HDAC11: variants seen among roughly 807,000 people sequenced by gnomAD.
The protein encoded by HDAC11 is histone deacetylase 11.
In HDAC11, 23 loss-of-function variants were observed where a neutral mutation model predicts 41.1. The ratio of observed to expected loss-of-function variants is 0.56; its 90% confidence interval spans 0.40 to 0.79. HDAC11 has a LOEUF of 0.79. Ranked by LOEUF, HDAC11 falls within the 30% of genes least tolerant of loss-of-function variation. The probability of loss-of-function intolerance (pLI) is 0.00; values close to 1 mark genes in which losing one functional copy is unlikely to be tolerated. For missense variants in HDAC11, 402 were observed against 477.3 expected, an observed-to-expected ratio of 0.84 and a Z score of 1.47; for synonymous variants, 187 against 186.6, an observed-to-expected ratio of 1.00 and a Z score of -0.02.
chr3:13,488,893 T>G (rs1207830595), intron 3 of HDAC11, among the ~76,000 whole-genome samples: 2 of 151,910 alleles, frequency 1.3e-5, no homozygotes, highest in African/African-American at 4.8e-5. Context: ...TTTCTCTACA[T>G]CCTTTTCAAT....
chr3:13,493,167 C>A (rs1242018215), intron 3 of HDAC11, among the ~76,000 whole-genome samples: 1 of 152,234 alleles, frequency 6.6e-6, no homozygotes, highest in Non-Finnish European at 1.5e-5. Context: ...GCACCCCCCA[C>A]CTGCCCCACC....
chr3:13,493,647 G>A (rs1701963045), intron 3 of HDAC11, among the ~76,000 whole-genome samples: 1 of 152,256 alleles, frequency 6.6e-6, no homozygotes, highest in Non-Finnish European at 1.5e-5. Context: ...TCACTGCCTT[G>A]TGCAGAAACC....
Position 13,502,647 on chromosome 3 carries a change from C to T in HDAC11, c.553-237C>T, listed in dbSNP as rs1339616091. The T allele has an allele frequency of 9.0e-6, 4 of 446,466 alleles. No homozygotes were observed. The highest frequency in any genetic ancestry group is 4.0e-5 in the African/African-American group (2 of 50,356). The allele number at this position is 446,466 out of a possible 1,614,324, so 27.7% of individuals were successfully genotyped here. On this transcript the variant is annotated intron_variant, in intron 7 of 9. Coordinates refer to ENST00000295757, the MANE Select transcript of HDAC11 (RefSeq NM_024827.4). This position sits in a 1 kb window ranked among gnomAD's most constrained non-coding sequence, Gnocchi z 4.1. The stretch of plus-strand genomic sequence containing the variant: ...GAGGGTGGCAGAGCGGGATTTCTTC[C>T]TCTGATAGGGAACCTAAGAGCACTG...
intron 3 of HDAC11, among the ~76,000 whole-genome samples, chr3:13,494,486 GAC>G (rs1363457474): frequency 2.0e-5 from 3 of 152,192 alleles, no homozygotes; most frequent in Non-Finnish European, 2.9e-5. Context: ...GTATACACAA[GAC>G]ACATACACAC....
In HDAC11 at chr3:13,481,205, A is replaced by T. The variant is rs764093249; in HGVS notation, c.3-41A>T. On this transcript the variant is annotated intron_variant, in intron 1 of 9. Coordinates refer to ENST00000295757, the MANE Select transcript of HDAC11 (RefSeq NM_024827.4). ...CTCGGGAGGGAGCTGCTTTCTGCCG[A>T]GGCTGCCCCAGCTGTGCGTCTGTCT... 1.1e-5 allele frequency: 17 copies of T among 1,593,370 alleles called. 1 individual carries two copies. The South Asian group carries it at 1.7e-4, about 16-fold the overall frequency.
At chr3:13,500,840 C>T in intron 6 of HDAC11, 51 bp downstream of exon 6, 1 of 1,262,868 alleles carries the variant, frequency 7.9e-7, no homozygotes, top group Non-Finnish European at 1.1e-6. Context: ...TCCTGGAATC[C>T]TCCCCATAGC....
chr3:13,491,321 T>C (rs771764183), intron 3 of HDAC11, among the ~76,000 whole-genome samples: 1 of 152,092 alleles, frequency 6.6e-6, no homozygotes, highest in Non-Finnish European at 1.5e-5. Flanking sequence ...CCATTGAGTA[T>C]AATGTCAGCT....
In HDAC11 at chr3:13,498,546, A is replaced by G; in HGVS notation, c.403A>G (p.Ile135Val). 6.2e-7 allele frequency: 1 copy of G among 1,613,926 alleles called. No individual in the cohort carries two copies. The highest frequency in any genetic ancestry group is 8.5e-7 in the Non-Finnish European group (1 of 1,180,008). ...GCTGGCTGTGGAGCGAGGCTGGGCCATCAACGTGGGTGAGTGCTGGGAATG... is the reference window on the plus strand; with the variant it reads ...GCTGGCTGTGGAGCGAGGCTGGGCCGTCAACGTGGGTGAGTGCTGGGAATG... ...GKLAVERGWAINVGGGFHHCS... is the reference protein window; with the variant it reads ...GKLAVERGWAVNVGGGFHHCS... Residue 135 changes from isoleucine to valine, a missense_variant, in exon 5 of 10, where the codon ATC becomes GTC. Ile to Val is a conservative substitution (Grantham distance 29). Coordinates refer to ENST00000295757, the MANE Select transcript of HDAC11 (RefSeq NM_024827.4).
Position 13,480,422 on chromosome 3 carries a change from G to C in HDAC11, c.2+73G>C. On this transcript the variant is annotated intron_variant, in intron 1 of 9. Coordinates refer to ENST00000295757, the MANE Select transcript of HDAC11 (RefSeq NM_024827.4). The surrounding 1 kb of genome is among the most constrained non-coding windows in gnomAD (Gnocchi z 4.6). ...TGGGCGGGCGCGCTAGGGCGAGGGC[G>C]GGGACGGCCGGGCGGGCGCGCCAGG... 1.1e-6 allele frequency: 1 copy of C among 941,418 alleles called. No homozygotes were observed. The highest frequency in any genetic ancestry group is 1.4e-6 in the Non-Finnish European group (1 of 734,082). 58.3% of individuals were successfully genotyped at this position (941,418 alleles called of 1,614,324 possible). A position where few individuals can be genotyped will look rare whatever the true frequency, so the allele number is the denominator to read the frequency against.
intron 3 of HDAC11, among the ~76,000 whole-genome samples, chr3:13,490,044 A>G (rs1487281948): frequency 6.7e-6 from 1 of 149,840 alleles, no homozygotes; most frequent in Non-Finnish European, 1.5e-5. Flanking sequence ...CCTATGCTGG[A>G]GTGCAATGGC....
chr3:13,503,390 C>A (rs1337757024), intron 8 of HDAC11, among the ~76,000 whole-genome samples: 2 of 152,190 alleles, frequency 1.3e-5, no homozygotes, highest in Admixed American at 6.5e-5. Flanking sequence ...CATGGAGAAA[C>A]CCCATCTCTA....
At position 13,490,736 on chromosome 3, in the gene HDAC11, A is replaced by G. The variant is rs1297484923; in HGVS notation, c.253-6000A>G. ...AACTTTGCTGAATTTGTTTCTTAGC[A>G]TTTTTTTCTTTTTTTTTTTTTTTTT... is the stretch of plus-strand genomic sequence containing the variant. On this transcript the variant is annotated intron_variant, in intron 3 of 9. Coordinates refer to ENST00000295757, the MANE Select transcript of HDAC11 (RefSeq NM_024827.4). Among the ~76,000 whole-genome samples, 318 of 75,622 alleles carry G rather than the reference A, an allele frequency of 4.2e-3. 1 individual carries two copies. The highest frequency in any genetic ancestry group is 6.5e-3 in the Non-Finnish European group (231 of 35,462). 49.6% of individuals were successfully genotyped at this position (75,622 alleles called of 152,430 possible). A position where few individuals can be genotyped will look rare whatever the true frequency, so the allele number is the denominator to read the frequency against.
chr3:13,482,719 C>T (rs942677612), intron 2 of HDAC11, among the ~76,000 whole-genome samples: 1 of 152,164 alleles, frequency 6.6e-6, no homozygotes, highest in Non-Finnish European at 1.5e-5. Flanking sequence ...CCCAGAAGTT[C>T]GAGGGTGCAG....
chr3:13,498,705 A>G, intron 5 of HDAC11, 150 bp downstream of exon 5: 1 of 835,426 alleles, frequency 1.2e-6, no homozygotes, highest in Non-Finnish European at 1.9e-6. Flanking sequence ...CTCCTTGTGG[A>G]GTGGCCTGGA....
In HDAC11 at chr3:13,504,971, G is replaced by A. The variant is rs1012111124; in HGVS notation, c.*288G>A. ...GGCAGGCAGTTAACTGAGAATTGGA[G>A]AGGACAGGCTAGGTCCCAGGCACAG... On this transcript the variant is annotated 3_prime_UTR_variant, in exon 10 of 10. Transcript: ENST00000295757. The A allele has an allele frequency of 3.9e-6, 2 of 513,660 alleles. No individual in the cohort carries two copies. Among genetic ancestry groups the A allele is most frequent in the East Asian group, 3.5e-5 (1 of 28,256 alleles). 31.8% of individuals were successfully genotyped at this position (513,660 alleles called of 1,614,324 possible).
At chr3:13,487,685 CT>C (rs757605451) in intron 3 of HDAC11, among the ~76,000 whole-genome samples, 30 of 152,140 alleles carry the variant, frequency 2.0e-4, no homozygotes, top group Admixed American at 4.6e-4. Flanking sequence ...CCTGTGCACT[CT>C]GCACTGGACA....
rs531133691 is a variant in HDAC11, at chr3:13,491,162, G to A, written c.253-5574G>A. Among the ~76,000 whole-genome samples, 3 of 150,824 alleles carry A rather than the reference G, an allele frequency of 2.0e-5. No homozygotes were observed. In the South Asian group the frequency reaches 6.3e-4, roughly 32 times the overall value. On this transcript the variant is annotated intron_variant, in intron 3 of 9. Transcript: ENST00000295757. ...AACATCATACCGTCTGTGAAGAGAG[G>A]TAGCTTCCTTTCCAATTTGGATGGC...
chr3:13,498,483 C>A (rs750309603), intron 4 of HDAC11, 30 bp from the exon 5 acceptor site: 10 of 1,613,572 alleles, frequency 6.2e-6, no homozygotes, highest in Non-Finnish European at 6.8e-6. Flanking sequence ...CGGCTGCCTG[C>A]GCCCCCTCAC....
intron 3 of HDAC11, among the ~76,000 whole-genome samples, chr3:13,495,512 C>T (rs1213295256): frequency 6.6e-6 from 1 of 152,170 alleles, no homozygotes; most frequent in Non-Finnish European, 1.5e-5. Context: ...CTAATACCTG[C>T]TCCTCTTACC....
Sources: allele counts gnomAD v4.1 joint callset (sites outside exome capture counted in the v4.1 genomes callset), GRCh38; gene constraint gnomAD v4.1.1; non-coding constraint Gnocchi (gnomAD v3.1); transcripts MANE v1.5; gene names NCBI Gene and HGNC (gene_info 2026-07-23, HGNC 2026-07-21).